The following SKIC3 variants were observed in gnomAD, a reference collection of about 807,000 sequenced individuals.
SKIC3 encodes the protein SKI3 subunit of superkiller complex, also known as superkiller complex protein 3.
At chr5:95,511,827 A>G in the SKIC3 span, among the ~76,000 whole-genome samples, 5 of 152,338 alleles carry the variant, frequency 3.3e-5, no homozygotes, top group African/African-American at 1.2e-4. Context: ...GAATTTTGGT[A>G]GCATGCCCAA....
At chr5:95,554,944 G>C in the SKIC3 span, 2 of 241,876 alleles carry the variant, frequency 8.3e-6, no homozygotes, top group South Asian at 4.0e-5. Context: ...ACCTGGAGCA[G>C]ATGCTCCTCT....
At chr5:95,472,812 C>T in the SKIC3 span, among the ~76,000 whole-genome samples, 4 of 152,132 alleles carry the variant, frequency 2.6e-5, no homozygotes, top group South Asian at 8.3e-4. Context: ...TTTATGTTCA[C>T]GTGTGCTCAA....
the SKIC3 span, among the ~76,000 whole-genome samples, chr5:95,511,182 G>A: frequency 6.6e-6 from 1 of 152,158 alleles, no homozygotes; most frequent in African/African-American, 2.4e-5. Flanking sequence ...AGTCCGAGGC[G>A]GGTGGATCAC....
At chr5:95,492,244 AAAGAAAGGCACATGACAGC>A in the SKIC3 span, among the ~76,000 whole-genome samples, 3 of 152,320 alleles carry the variant, frequency 2.0e-5, no homozygotes, top group Non-Finnish European at 4.4e-5. Flanking sequence ...ATTACTATAT[AAAGAAAGGCACATGACAGC>A]CTTAGATCTG....
At chr5:95,475,626 T>C in the SKIC3 span, among the ~76,000 whole-genome samples, 1 of 152,196 alleles carries the variant, frequency 6.6e-6, no homozygotes, top group Non-Finnish European at 1.5e-5. Flanking sequence ...TTTATAGCAA[T>C]GCAACAGACG....
chr5:95,530,073 T>C, the SKIC3 span: 3 of 1,611,952 alleles, frequency 1.9e-6, no homozygotes, highest in Non-Finnish European at 8.5e-7. Flanking sequence ...TTACATGCCA[T>C]ACACTGTACA....
At chr5:95,522,127 G>A in the SKIC3 span, 1,397 of 1,613,602 alleles carry the variant, frequency 8.7e-4, 3 homozygotes, top group Non-Finnish European at 1.1e-3. Flanking sequence ...CCTTATATTT[G>A]CCTAGGATTT....
chr5:95,554,494 C>T, the SKIC3 span, among the ~76,000 whole-genome samples: 1 of 152,158 alleles, frequency 6.6e-6, no homozygotes, highest in Admixed American at 6.5e-5. Context: ...CAGCCCATTT[C>T]CCCCTCCAGT....
At chr5:95,520,324 C>T in the SKIC3 span, among the ~76,000 whole-genome samples, 1 of 151,392 alleles carries the variant, frequency 6.6e-6, no homozygotes, top group Non-Finnish European at 1.5e-5. Flanking sequence ...CTACAATTGG[C>T]TCTTACCACT....
At chr5:95,513,663 CAG>C in the SKIC3 span, 1 of 1,607,964 alleles carries the variant, frequency 6.2e-7, no homozygotes, top group Non-Finnish European at 8.5e-7. Flanking sequence ...AGGAAAAAAA[CAG>C]ACTCTTAATG....
chr5:95,540,155 G>A, the SKIC3 span, among the ~76,000 whole-genome samples: 2 of 152,170 alleles, frequency 1.3e-5, no homozygotes, highest in South Asian at 4.1e-4. Context: ...GATGGAACTG[G>A]AGACTATTAT....
chr5:95,490,438 A>T, the SKIC3 span, among the ~76,000 whole-genome samples: 16 of 146,754 alleles, frequency 1.1e-4, no homozygotes, highest in African/African-American at 4.0e-4. Context: ...TATTCATTAA[A>T]TAATGTATAT....
chr5:95,490,498 A>ATG, the SKIC3 span, among the ~76,000 whole-genome samples: 1 of 136,176 alleles, frequency 7.3e-6, no homozygotes, highest in South Asian at 2.2e-4. Context: ...ACATATATAT[A>ATG]TATATATTTT....
At chr5:95,470,408 G>T in the SKIC3 span, among the ~76,000 whole-genome samples, 1 of 152,176 alleles carries the variant, frequency 6.6e-6, no homozygotes, top group Non-Finnish European at 1.5e-5. Context: ...GGTAGACTGG[G>T]ATAAAGGAGG....
At chr5:95,485,655 G>A in the SKIC3 span, among the ~76,000 whole-genome samples, 1 of 152,108 alleles carries the variant, frequency 6.6e-6, no homozygotes, top group Admixed American at 6.6e-5. Flanking sequence ...TACTATCTTA[G>A]ATTTTCTGAA....
At chr5:95,478,800 A>G in the SKIC3 span, among the ~76,000 whole-genome samples, 1 of 152,210 alleles carries the variant, frequency 6.6e-6, no homozygotes, top group South Asian at 2.1e-4. Flanking sequence ...AAAAGTTTTA[A>G]TAAAATTCAA....
the SKIC3 span, among the ~76,000 whole-genome samples, chr5:95,549,901 C>A: frequency 6.6e-6 from 1 of 152,058 alleles, no homozygotes; most frequent in East Asian, 1.9e-4. Flanking sequence ...TTCCACGTAA[C>A]CCCATACTCC....
the SKIC3 span, chr5:95,543,334 T>G: frequency 6.2e-7 from 1 of 1,613,208 alleles, no homozygotes. Flanking sequence ...CTGTCTGATT[T>G]AAAAAAAATT....
the SKIC3 span, among the ~76,000 whole-genome samples, chr5:95,552,293 T>C: frequency 1.3e-5 from 2 of 152,148 alleles, no homozygotes; most frequent in African/African-American, 4.8e-5. Flanking sequence ...ACAACAGGGA[T>C]CACTCCCTCC....
Sources: allele counts gnomAD v4.1 joint callset (sites outside exome capture counted in the v4.1 genomes callset), GRCh38; gene constraint gnomAD v4.1.1; transcripts MANE v1.5; gene names NCBI Gene and HGNC (gene_info 2026-07-23, HGNC 2026-07-21).